The following ABCF3 variants were observed in gnomAD, a reference collection of about 807,000 sequenced individuals.
ABCF3 encodes the protein ATP-binding cassette sub-family F member 3.
A neutral mutation model predicts 94.3 loss-of-function variants in ABCF3; 62 were observed. The observed-to-expected ratio is 0.66, with a 90% CI of 0.54 to 0.81. The LOEUF is 0.81. ABCF3 is among the 40% of genes least tolerant of loss of function. The pLI is 0.00. For missense variants in ABCF3, 843 were observed against 925.3 expected (o/e 0.91, Z 1.15); for synonymous variants, 355 against 361.1 (o/e 0.98, Z 0.19).
Position 184,193,897 on chromosome 3 carries a change from C to CG in ABCF3, c.*204dup. 1.5e-6 allele frequency: 1 copy of CG among 663,466 alleles called. No individual in the cohort carries two copies. The highest frequency in any genetic ancestry group is 2.4e-6 in the Non-Finnish European group (1 of 412,904). 41.1% of individuals were successfully genotyped at this position (663,466 alleles called of 1,614,324 possible). A position where few individuals can be genotyped will look rare whatever the true frequency, so the allele number is the denominator to read the frequency against. ...CAAGGGTTGGTGAGGACTGGTCTCCCGGGGGTGGGGGTCTGGGGGGTACCC... is the reference window on the plus strand; with the variant it reads ...CAAGGGTTGGTGAGGACTGGTCTCCCGGGGGGTGGGGGTCTGGGGGGTACCC... On this transcript the variant is annotated 3_prime_UTR_variant, in exon 21 of 21. Transcript: ENST00000429586. The surrounding 1 kb of genome is among the most constrained non-coding windows in gnomAD (Gnocchi z 5.2).
In ABCF3 at chr3:184,188,200, G is replaced by T; in HGVS notation, c.629G>T (p.Gly210Val). 1 of 1,614,076 alleles carries T rather than the reference G, an allele frequency of 6.2e-7. No individual in the cohort carries two copies. The highest frequency in any genetic ancestry group is 8.5e-7 in the Non-Finnish European group (1 of 1,180,044). The change falls in exon 7 of 21, where the codon GGG (glycine) becomes GTG (valine). Residue 210 changes from glycine to valine, a missense_variant. Gly to Val is a moderately radical substitution (Grantham distance 109). Coordinates refer to ENST00000429586, the MANE Select transcript of ABCF3 (RefSeq NM_018358.3). ...TGGGGCCGCCGTTACGGGCTGGTGG[G>T]GCGGAATGGGTTGGGGAAGACAACG... ...LAWGRRYGLV[G>V]RNGLGKTTLL...
Position 184,191,253 on chromosome 3 carries a change from G to T in ABCF3, c.1567G>T (p.Val523Leu). Residue 523 changes from valine (V) to leucine (L), a missense_variant and splice_region_variant, in exon 16 of 21, where the codon GTG (valine) becomes TTG (leucine). Transcript: ENST00000429586. The part of the protein sequence containing the change: ...VSADLESRIC[V>L]VGENGAGKST... ...TGCTGATCTCGAGTCTCGCATCTGT[G>T]TGGTAAGGCTGCTGTTTCTCTGTGC... The T allele has an allele frequency of 6.2e-7, 1 of 1,614,052 alleles. No individual in the cohort carries two copies. Among genetic ancestry groups the T allele is most frequent in the South Asian group, 1.1e-5 (1 of 91,072 alleles).
rs1395336979 is a variant in ABCF3 at position 184,191,114 on chromosome 3, C to G, written c.1437-9C>G. ...GCTGCCCCCACATCCTCACCCCTAC[C>G]TCCTGCAGGTTCCCTGATGGGTTTG... On this transcript the variant is annotated splice_polypyrimidine_tract_variant and intron_variant, in intron 15 of 20. Coordinates refer to ENST00000429586, the MANE Select transcript of ABCF3 (RefSeq NM_018358.3). 6.2e-7 allele frequency: 1 copy of G among 1,614,228 alleles called. No individual in the cohort carries two copies. Among genetic ancestry groups the G allele is most frequent in the East Asian group, 2.2e-5 (1 of 44,884 alleles).
Position 184,186,816 on chromosome 3 carries a change from G to A in ABCF3, c.242G>A (p.Gly81Glu). 1 of 1,614,046 alleles carries A rather than the reference G, an allele frequency of 6.2e-7. No individual in the cohort carries two copies. The highest frequency in any genetic ancestry group is 8.5e-7 in the Non-Finnish European group (1 of 1,179,982). Reference protein sequence around the residue: ...TLRLAEPQSQGNSQVLLDAPI... With the variant: ...TLRLAEPQSQENSQVLLDAPI... ...CATAGGGCTGAGCCACAAAGCCAGG[G>A]AAATAGCCAGGTGCTACTGGACGCC... Residue 81 changes from glycine to glutamate, a missense_variant, in exon 3 of 21, where the codon GGA (glycine) becomes GAA (glutamate). Coordinates refer to ENST00000429586, the MANE Select transcript of ABCF3 (RefSeq NM_018358.3).
intron 15 of ABCF3, 26 bp downstream of exon 15, chr3:184,191,069 TG>T (rs1715990198): frequency 6.2e-7 from 1 of 1,614,030 alleles, no homozygotes; most frequent in African/African-American, 1.3e-5. Context: ...GTGGGGCTGG[TG>T]GGGAATTGCT....
intron 7 of ABCF3, 129 bp from the exon 8 acceptor site, chr3:184,188,632 C>T: frequency 9.2e-7 from 1 of 1,091,764 alleles, no homozygotes; most frequent in Non-Finnish European, 1.3e-6. Flanking sequence ...GAGCACTGTG[C>T]AAACCCTTCC....
At chr3:184,192,518 CT>C in intron 16 of ABCF3, 82 bp from the exon 17 acceptor site, 1 of 1,315,958 alleles carries the variant, frequency 7.6e-7, no homozygotes, top group Non-Finnish European at 1.1e-6. Flanking sequence ...GTGCTCAACA[CT>C]TTTTAGTGCC....
rs919258482 is a variant in ABCF3, at chr3:184,193,898, G to A, written c.*200G>A. 12 of 672,208 alleles carry A rather than the reference G, an allele frequency of 1.8e-5. No individual in the cohort carries two copies. Among genetic ancestry groups the A allele is most frequent in the African/African-American group, 3.6e-5 (2 of 55,172 alleles). 41.6% of individuals were successfully genotyped at this position (672,208 alleles called of 1,614,324 possible). A position where few individuals can be genotyped will look rare whatever the true frequency, so the allele number is the denominator to read the frequency against. On this transcript the variant is annotated 3_prime_UTR_variant, in exon 21 of 21. Coordinates refer to ENST00000429586, the MANE Select transcript of ABCF3 (RefSeq NM_018358.3). The surrounding 1 kb of genome is among the most constrained non-coding windows in gnomAD (Gnocchi z 5.2). Reference sequence around the variant, plus strand: ...AAGGGTTGGTGAGGACTGGTCTCCCGGGGGTGGGGGTCTGGGGGGTACCCT... The same window carrying A: ...AAGGGTTGGTGAGGACTGGTCTCCCAGGGGTGGGGGTCTGGGGGGTACCCT...
chr3:184,191,946 A>T (rs1402993932), intron 16 of ABCF3, among the ~76,000 whole-genome samples: 1 of 151,930 alleles, frequency 6.6e-6, no homozygotes, highest in Non-Finnish European at 1.5e-5. Flanking sequence ...GGGTTTTACC[A>T]TATTGGCCAG....
intron 7 of ABCF3, 41 bp from the exon 8 acceptor site, chr3:184,188,720 C>T (rs752763121): frequency 4.8e-5 from 76 of 1,597,100 alleles, no homozygotes; most frequent in Non-Finnish European, 5.8e-5. Flanking sequence ...TCCTCCTAGA[C>T]TGCCCCTGCT....
At chr3:184,189,512 C>T (rs373230884) in intron 12 of ABCF3, 45 bp from the exon 13 acceptor site, 47 of 1,613,904 alleles carry the variant, frequency 2.9e-5, no homozygotes, top group Admixed American at 5.0e-5. Context: ...GGCCTGAGAA[C>T]TGACTGCCCT....
intron 1 of ABCF3, 111 bp downstream of exon 1, chr3:184,186,391 T>C: frequency 6.3e-7 from 1 of 1,585,010 alleles, no homozygotes. Context: ...GCATGACCTC[T>C]TGTCCCGGGG....
At chr3:184,190,972 T>A (rs758297709) in intron 14 of ABCF3, 27 bp from the exon 15 acceptor site, 71 of 1,613,070 alleles carry the variant, frequency 4.4e-5, no homozygotes, top group Non-Finnish European at 5.8e-5. Flanking sequence ...AAGTAATAAA[T>A]CTAGTCTACC....
Position 184,192,820 on chromosome 3 carries a change from C to G in ABCF3, c.1674C>G (p.Gly558=). ...CTGCCTGCAGGAATCTGAAGATTGG[C>G]TATTTCAGCCAGCACCATGTGGAGC... ...IRHAHRNLKI[G]YFSQHHVEQL... Residue 558 remains glycine, a synonymous_variant, in exon 18 of 21, where the codon GGC becomes GGG. Coordinates refer to ENST00000429586, the MANE Select transcript of ABCF3 (RefSeq NM_018358.3). The G allele has an allele frequency of 6.2e-7, 1 of 1,614,114 alleles. No individual in the cohort carries two copies. The highest frequency in any genetic ancestry group is 8.5e-7 in the Non-Finnish European group (1 of 1,179,958).
At chr3:184,186,384 T>C in intron 1 of ABCF3, 104 bp downstream of exon 1, 3 of 1,587,394 alleles carry the variant, frequency 1.9e-6, no homozygotes, top group South Asian at 2.2e-5. Flanking sequence ...CTCCTCTGCA[T>C]GACCTCTTGT....
Position 184,186,526 on chromosome 3 carries a change from C to G in ABCF3, c.93C>G (p.Ser31Arg). 6.2e-7 allele frequency: 1 copy of G among 1,612,440 alleles called. No homozygotes were observed. Among genetic ancestry groups the G allele is most frequent in the Non-Finnish European group, 8.5e-7 (1 of 1,179,072 alleles). ...DYVTGVLHSG[S>R]ADFESVDDLV... ...GCCCAGGCGTCTTGCACAGCGGCAGCGCGGACTTCGAGTCTGTGGATGACC... is the reference window on the plus strand; with the variant it reads ...GCCCAGGCGTCTTGCACAGCGGCAGGGCGGACTTCGAGTCTGTGGATGACC... Residue 31 changes from serine (S) to arginine (R), a missense_variant, in exon 2 of 21, where the codon AGC becomes AGG. Coordinates refer to ENST00000429586, the MANE Select transcript of ABCF3 (RefSeq NM_018358.3).
intron 12 of ABCF3, 54 bp from the exon 13 acceptor site, chr3:184,189,503 G>C (rs992071661): frequency 6.2e-7 from 1 of 1,613,730 alleles, no homozygotes; most frequent in African/African-American, 1.3e-5. Context: ...ATACCTGGGG[G>C]CCTGAGAACT....
Position 184,187,344 on chromosome 3 carries a change from G to A in ABCF3, c.302-53G>A, listed in dbSNP as rs780004362. ...CTGGTTCCTATTAGTCACTCAAAATGTTAGTTTCCCTTCCCTCAGGGAGAA... is the reference window on the plus strand; with the variant it reads ...CTGGTTCCTATTAGTCACTCAAAATATTAGTTTCCCTTCCCTCAGGGAGAA... On this transcript the variant is annotated intron_variant, in intron 3 of 20. Coordinates refer to ENST00000429586, the MANE Select transcript of ABCF3 (RefSeq NM_018358.3). The A allele has an allele frequency of 2.2e-5, 35 of 1,610,238 alleles. 1 individual carries two copies. The South Asian group carries it at 2.9e-4, about 13-fold the overall frequency.
rs1716000071 is a variant in ABCF3 at position 184,191,197 on chromosome 3, A to G, written c.1511A>G (p.Lys504Arg). 1 of 1,614,174 alleles carries G rather than the reference A, an allele frequency of 6.2e-7. No individual in the cohort carries two copies. Among genetic ancestry groups the G allele is most frequent in the African/African-American group, 1.3e-5 (1 of 75,032 alleles). The change falls in exon 16 of 21, where the codon AAG becomes AGG. Residue 504 changes from lysine (K) to arginine (R), a missense_variant. Transcript: ENST00000429586. The part of the protein sequence containing the change: ...LDEVDFYYDP[K>R]HVIFSRLSVS... ...GAGGTGGATTTCTACTACGATCCGA[A>G]GCACGTCATCTTCAGTCGCCTCTCT...
Sources: allele counts gnomAD v4.1 joint callset (sites outside exome capture counted in the v4.1 genomes callset), GRCh38; gene constraint gnomAD v4.1.1; non-coding constraint Gnocchi (gnomAD v3.1); transcripts MANE v1.5; gene names NCBI Gene and HGNC (gene_info 2026-07-23, HGNC 2026-07-21).